The following CAMK1D variants were observed in gnomAD, a reference collection of about 807,000 sequenced individuals.
The protein encoded by CAMK1D is calcium/calmodulin dependent protein kinase ID.
A neutral mutation model predicts 47.7 loss-of-function variants in CAMK1D; 9 were observed. The ratio of observed to expected loss-of-function variants is 0.19; its 90% CI spans 0.11 to 0.33. The LOEUF is 0.33. CAMK1D is among the 10% of genes least tolerant of loss of function. The pLI is 1.00. For missense variants in CAMK1D, 291 were observed against 488.7 expected (o/e 0.60, Z 3.81); for synonymous variants, 184 against 184.9 (o/e 0.99, Z 0.04).
chr10:12,467,377 C>T (rs887560123), intron 1 of CAMK1D, among the ~76,000 whole-genome samples: 3 of 151,930 alleles, frequency 2.0e-5, no homozygotes, highest in African/African-American at 4.8e-5. Context: ...GGTCTTGAAC[C>T]GCTGGCCTCA....
Position 12,606,798 on chromosome 10 carries a change from G to A in CAMK1D, c.224+53442G>A, listed in dbSNP as rs374864866. ...GAGAAACCTGAGGCTTGTCTTGCCT[G>A]TGTTCTCCAGCAAGGAAGTGACAGA... is the stretch of plus-strand genomic sequence containing the variant. On this transcript the variant is annotated intron_variant, in intron 2 of 10. Transcript: ENST00000619168. Among the ~76,000 whole-genome samples the A allele has an allele frequency of 5.3e-5, 8 of 152,062 alleles. No homozygotes were observed. In the East Asian group the frequency reaches 1.2e-3, roughly 22 times the overall value.
intron 2 of CAMK1D, among the ~76,000 whole-genome samples, chr10:12,554,752 C>T (rs1034416962): frequency 2.0e-5 from 3 of 151,956 alleles, no homozygotes; most frequent in African/African-American, 7.3e-5. Context: ...CTGTGTTGCC[C>T]AGGCTGGTCT....
intron 1 of CAMK1D, among the ~76,000 whole-genome samples, chr10:12,527,350 CTTTTT>C (rs750670427): frequency 3.6e-5 from 3 of 84,000 alleles, no homozygotes; most frequent in Non-Finnish European, 6.6e-5. Context: ...ACTTGACTTG[CTTTTT>C]TTTTTTTTTT....
rs1019677960 is a variant in CAMK1D, at chr10:12,714,064, G to C, written c.300-46884G>C. On this transcript the variant is annotated intron_variant, in intron 3 of 10. Transcript: ENST00000619168. ...CTGGTCTGGAACCCTCACCTCCACT[G>C]TAAGGACATCCCTGCCACAGCCCAT... 8.5e-5 allele frequency among the ~76,000 whole-genome samples: 13 copies of C among 152,300 alleles called. No individual in the cohort carries two copies. The South Asian group carries it at 2.7e-3, about 32-fold the overall frequency.
intron 3 of CAMK1D, among the ~76,000 whole-genome samples, chr10:12,685,384 A>G (rs1832619931): frequency 6.6e-6 from 1 of 152,232 alleles, no homozygotes; most frequent in Non-Finnish European, 1.5e-5. Context: ...GATAAGTGTT[A>G]GAACCATTTG....
intron 2 of CAMK1D, among the ~76,000 whole-genome samples, chr10:12,613,811 A>T (rs1838703503): frequency 1.3e-5 from 2 of 152,222 alleles, no homozygotes. Context: ...GGGCAGAAAC[A>T]TCACAGAGTT....
At chr10:12,414,889 A>G (rs1474796649) in intron 1 of CAMK1D, among the ~76,000 whole-genome samples, 1 of 152,226 alleles carries the variant, frequency 6.6e-6, no homozygotes, top group East Asian at 1.9e-4. Flanking sequence ...AGTTCAAATT[A>G]AGGAAATAAA....
At chr10:12,518,478 TTA>T (rs1288321864) in intron 1 of CAMK1D, among the ~76,000 whole-genome samples, 517 of 34,924 alleles carry the variant, frequency 0.015, 135 homozygotes, top group African/African-American at 0.042. Context: ...CATTCTTTTT[TTA>T]TTTTTTATTT....
chr10:12,522,702 G>A lies in CAMK1D; in HGVS notation c.93-30523G>A, dbSNP rs1564389225. Among the ~76,000 whole-genome samples the A allele has an allele frequency of 5.9e-5, 9 of 151,748 alleles. No homozygotes were observed. In the South Asian group the frequency reaches 1.9e-3, roughly 32 times the overall value. On this transcript the variant is annotated intron_variant, in intron 1 of 10. Coordinates refer to ENST00000619168, the MANE Select transcript of CAMK1D (RefSeq NM_153498.4). The stretch of plus-strand genomic sequence containing the variant: ...ATTGTCATCATGGCCCGTTCTCAAT[G>A]AGCTGTTGGGTACACCTCCCAGACG...
At chr10:12,722,388 A>G (rs777365986) in intron 3 of CAMK1D, among the ~76,000 whole-genome samples, 29 of 134,466 alleles carry the variant, frequency 2.2e-4, no homozygotes, top group Non-Finnish European at 3.0e-4. Context: ...AGAGCTTGCA[A>G]TGAGCCAAGA....
intron 2 of CAMK1D, among the ~76,000 whole-genome samples, chr10:12,646,917 C>G (rs1839826021): frequency 6.6e-6 from 1 of 152,018 alleles, no homozygotes; most frequent in South Asian, 2.1e-4. Context: ...TTTCGGCTCA[C>G]TGCAATTTGC....
chr10:12,795,496 C>G (rs1266784018), intron 6 of CAMK1D, among the ~76,000 whole-genome samples: 1 of 152,232 alleles, frequency 6.6e-6, no homozygotes, highest in Non-Finnish European at 1.5e-5. Flanking sequence ...ACACGGAAGT[C>G]ACGGAGCGCC....
intron 1 of CAMK1D, among the ~76,000 whole-genome samples, chr10:12,436,342 G>C (rs1237118033): frequency 6.6e-6 from 1 of 152,196 alleles, no homozygotes; most frequent in Non-Finnish European, 1.5e-5. Flanking sequence ...TTCACTGGAA[G>C]CCACATGCCC....
chr10:12,572,612 A>G (rs989988916), intron 2 of CAMK1D, among the ~76,000 whole-genome samples: 1 of 152,036 alleles, frequency 6.6e-6, no homozygotes, highest in Admixed American at 6.6e-5. Context: ...GCCCTAGGCA[A>G]GGCAATTTAC....
At chr10:12,460,267 T>C (rs543034141) in intron 1 of CAMK1D, among the ~76,000 whole-genome samples, 1 of 151,672 alleles carries the variant, frequency 6.6e-6, no homozygotes, top group East Asian at 1.9e-4. Context: ...TATTCTTTTT[T>C]TTTTTTTTGA....
intron 1 of CAMK1D, among the ~76,000 whole-genome samples, chr10:12,435,240 A>G (rs924480684): frequency 2.0e-5 from 3 of 151,276 alleles, no homozygotes; most frequent in African/African-American, 4.8e-5. Context: ...AAAAAAAAAA[A>G]AAAAAAGAAA....
At chr10:12,728,885 C>T (rs1834770567) in intron 3 of CAMK1D, among the ~76,000 whole-genome samples, 1 of 152,170 alleles carries the variant, frequency 6.6e-6, no homozygotes, top group Non-Finnish European at 1.5e-5. Context: ...TGTCTGCCTA[C>T]AGAAAAGTCT....
At chr10:12,450,356 A>G (rs1833048251) in intron 1 of CAMK1D, among the ~76,000 whole-genome samples, 1 of 152,206 alleles carries the variant, frequency 6.6e-6, no homozygotes, top group South Asian at 2.1e-4. Flanking sequence ...AACTAACTCC[A>G]TGAGCTCTCA....
intron 3 of CAMK1D, among the ~76,000 whole-genome samples, chr10:12,741,391 A>T (rs1428503205): frequency 6.6e-6 from 1 of 152,224 alleles, no homozygotes; most frequent in Non-Finnish European, 1.5e-5. Context: ...GGACAGCCAG[A>T]AAGGCACTGA....
Sources: gnomAD v4.1 joint callset for allele counts (sites outside exome capture counted in the v4.1 genomes callset) on GRCh38, gnomAD v4.1.1 for gene constraint, MANE v1.5 for transcripts, NCBI Gene and HGNC (gene_info 2026-07-23, HGNC 2026-07-21) for gene names.